FAM219A: variants seen among roughly 807,000 people sequenced by gnomAD.
The protein encoded by FAM219A is protein FAM219A.
A neutral mutation model predicts 23.4 loss-of-function variants in FAM219A; 7 were observed. That is an observed-to-expected ratio of 0.30 (90% confidence interval 0.17 to 0.56). The LOEUF (loss-of-function observed/expected upper bound fraction) is 0.56, where lower values mean the gene tolerates loss of function less well. Ranked by LOEUF, FAM219A falls within the 20% of genes least tolerant of loss-of-function variation. The pLI, the probability that FAM219A is intolerant of heterozygous loss-of-function variation, is 0.92. For synonymous variants in FAM219A, 93 were observed against 99.0 expected (o/e 0.94, Z 0.36); for missense variants, 166 against 246.9 (o/e 0.67, Z 2.20).
At chr9:34,449,822 G>A (rs185157496) in intron 1 of FAM219A, among the ~76,000 whole-genome samples, 8 of 152,304 alleles carry the variant, frequency 5.3e-5, no homozygotes, top group Admixed American at 2.0e-4. Flanking sequence ...TCTTTAAAAC[G>A]TCAGTGGGCA....
Position 34,420,046 on chromosome 9 carries a change from C to A in FAM219A, c.61-14082G>T, listed in dbSNP as rs551587058. Among the ~76,000 whole-genome samples the A allele has an allele frequency of 2.4e-4, 36 of 152,354 alleles. No individual in the cohort carries two copies. The South Asian group carries it at 7.3e-3, about 31-fold the overall frequency. ...CTAAAGCTCAGCTCTCTAGCCAGAGCAGTCTCCTAGTCTTTCCTTTTTGTC... is the reference window on the plus strand; with the variant it reads ...CTAAAGCTCAGCTCTCTAGCCAGAGAAGTCTCCTAGTCTTTCCTTTTTGTC... On this transcript the variant is annotated intron_variant, in intron 1 of 5. Coordinates refer to ENST00000651358, the MANE Select transcript of FAM219A (RefSeq NM_001184940.2).
chr9:34,400,610 T>G lies in FAM219A; in HGVS notation c.*354A>C. 1.1e-5 allele frequency: 2 copies of G among 189,326 alleles called. No homozygotes were observed. Among genetic ancestry groups the G allele is most frequent in the Non-Finnish European group, 2.2e-5 (2 of 92,534 alleles). The allele number at this position is 189,326 out of a possible 1,614,324, so 11.7% of individuals were successfully genotyped here. A position where few individuals can be genotyped will look rare whatever the true frequency, so the allele number is the denominator to read the frequency against. On this transcript the variant is annotated 3_prime_UTR_variant, in exon 6 of 6. Transcript: ENST00000651358. ...CTGGGGTGGGGCCAAGCCCCTGGCT[T>G]TGTGATCCCCCCACTCGTTAATGTT... is the stretch of plus-strand genomic sequence containing the variant.
intron 1 of FAM219A, among the ~76,000 whole-genome samples, chr9:34,429,671 C>A (rs1822618842): frequency 6.6e-6 from 1 of 152,132 alleles, no homozygotes. Flanking sequence ...TGGCAGGTTG[C>A]AAGCTCCAGA....
At chr9:34,433,815 A>G (rs1564011241) in intron 1 of FAM219A, among the ~76,000 whole-genome samples, 1 of 152,182 alleles carries the variant, frequency 6.6e-6, no homozygotes, top group Admixed American at 6.5e-5. Context: ...TGCATATTCA[A>G]TGGGGAAAGT....
intron 1 of FAM219A, among the ~76,000 whole-genome samples, chr9:34,423,950 G>T (rs983232230): frequency 4.6e-5 from 7 of 152,106 alleles, no homozygotes; most frequent in African/African-American, 1.7e-4. Context: ...TAAGAGTAAG[G>T]CTTGTGGTTT....
intron 1 of FAM219A, among the ~76,000 whole-genome samples, chr9:34,411,676 C>CAAAA (rs55988337): frequency 2.6e-5 from 3 of 114,554 alleles, no homozygotes; most frequent in Non-Finnish European, 3.7e-5. Flanking sequence ...GACTCCGTCT[C>CAAAA]AAAAAAAAAA....
At chr9:34,406,788 T>C (rs1325197254) in intron 1 of FAM219A, among the ~76,000 whole-genome samples, 1 of 149,498 alleles carries the variant, frequency 6.7e-6, no homozygotes, top group Admixed American at 6.8e-5. Flanking sequence ...GGCTGGGAAC[T>C]ATGTTGTCCA....
At chr9:34,440,678 G>A (rs1207880866) in intron 1 of FAM219A, among the ~76,000 whole-genome samples, 6 of 151,850 alleles carry the variant, frequency 4.0e-5, no homozygotes, top group East Asian at 1.9e-4. Context: ...GTGAAACCCC[G>A]TCTCTACTAA....
Position 34,402,470 on chromosome 9 carries a change from A to C in FAM219A, c.264-3T>G. ...AGCCTTTATTGGGGACGACCAGCCT[A>C]GGTGAAGAATTTCGGGAGTTAGAGT... On this transcript the variant is annotated splice_region_variant and splice_polypyrimidine_tract_variant and intron_variant, in intron 3 of 5. Coordinates refer to ENST00000651358, the MANE Select transcript of FAM219A (RefSeq NM_001184940.2). 3 of 1,614,130 alleles carry C rather than the reference A, an allele frequency of 1.9e-6. 1 individual carries two copies. Among genetic ancestry groups the C allele is most frequent in the Non-Finnish European group, 2.5e-6 (3 of 1,180,012 alleles).
At chr9:34,412,597 G>A (rs57356625) in intron 1 of FAM219A, among the ~76,000 whole-genome samples, 47,860 of 115,200 alleles carry the variant, frequency 0.42, 7,880 homozygotes, top group African/African-American at 0.43. Flanking sequence ...CAGAATGAGC[G>A]GAGTGAAAAA....
rs1212911513 is a variant in FAM219A, at chr9:34,399,443, A to C, written c.*1521T>G. On this transcript the variant is annotated 3_prime_UTR_variant, in exon 6 of 6. Transcript: ENST00000651358. ...ACATCTTGATCTACAGACACCCTAT[A>C]CAGCCACACACAATAGACAACCCTC... is the stretch of plus-strand genomic sequence containing the variant. The C allele has an allele frequency of 1.3e-5, 2 of 152,330 alleles. No homozygotes were observed. Among genetic ancestry groups the C allele is most frequent in the African/African-American group, 2.4e-5 (1 of 41,400 alleles). The allele number at this position is 152,330 out of a possible 1,614,324, so 9.4% of individuals were successfully genotyped here.
chr9:34,443,077 A>G (rs1823239977), intron 1 of FAM219A, among the ~76,000 whole-genome samples: 1 of 152,162 alleles, frequency 6.6e-6, no homozygotes, highest in Non-Finnish European at 1.5e-5. Flanking sequence ...GGTGACAAGT[A>G]CTAGGGGGTA....
intron 1 of FAM219A, among the ~76,000 whole-genome samples, chr9:34,436,051 T>C (rs939040127): frequency 6.6e-6 from 1 of 152,102 alleles, no homozygotes; most frequent in Admixed American, 6.5e-5. Flanking sequence ...GTGATCTACC[T>C]GCCTTGGCCT....
intron 1 of FAM219A, among the ~76,000 whole-genome samples, chr9:34,439,935 T>C (rs1303053927): frequency 1.3e-5 from 2 of 152,168 alleles, no homozygotes; most frequent in Non-Finnish European, 1.5e-5. Context: ...TTTACTTTCA[T>C]GTGGATAAAA....
At chr9:34,444,600 T>A (rs932279600) in intron 1 of FAM219A, among the ~76,000 whole-genome samples, 56 of 152,282 alleles carry the variant, frequency 3.7e-4, no homozygotes, top group African/African-American at 1.1e-3. Flanking sequence ...CTACGTCCCT[T>A]ACTTCTGAAA....
At chr9:34,426,892 C>T (rs1052868058) in intron 1 of FAM219A, among the ~76,000 whole-genome samples, 1 of 152,036 alleles carries the variant, frequency 6.6e-6, no homozygotes, top group African/African-American at 2.4e-5. Flanking sequence ...CTGAGCATTC[C>T]TGTGAGGCCC....
chr9:34,437,293 C>G (rs527293431), intron 1 of FAM219A, among the ~76,000 whole-genome samples: 2 of 152,310 alleles, frequency 1.3e-5, no homozygotes, highest in South Asian at 4.1e-4. Context: ...AAACAGGACA[C>G]TACGTTATGA....
intron 1 of FAM219A, among the ~76,000 whole-genome samples, chr9:34,451,407 A>G (rs1823556276): frequency 6.6e-6 from 1 of 152,034 alleles, no homozygotes; most frequent in South Asian, 2.1e-4. Context: ...TTCAACCAGC[A>G]CCTCTGGTTA....
At chr9:34,450,286 C>T (rs1823516780) in intron 1 of FAM219A, among the ~76,000 whole-genome samples, 1 of 148,674 alleles carries the variant, frequency 6.7e-6, no homozygotes, top group Admixed American at 6.7e-5. Flanking sequence ...GTACTCCAGC[C>T]TCGGTGACAG....
Sources: allele counts gnomAD v4.1 joint callset (sites outside exome capture counted in the v4.1 genomes callset), GRCh38; gene constraint gnomAD v4.1.1; transcripts MANE v1.5; gene names NCBI Gene and HGNC (gene_info 2026-07-23, HGNC 2026-07-21).